Variants in C10orf67 observed in about 807,000 individuals in gnomAD.
The protein encoded by C10orf67 is chromosome 10 open reading frame 67.
A neutral mutation model predicts 35.6 loss-of-function variants in C10orf67; 60 were observed. That is an observed-to-expected ratio of 1.68 (90% CI 1.37 to 2.09). The LOEUF (loss-of-function observed/expected upper bound fraction) is 2.09. Ranked by LOEUF, C10orf67 falls within the 30% of genes most tolerant of loss-of-function variation. The probability of loss-of-function intolerance (pLI) is 0.00; values close to 1 mark genes in which losing one functional copy is unlikely to be tolerated. For missense variants in C10orf67, 474 were observed against 330.2 expected, an observed-to-expected ratio of 1.44 and a Z score of -3.38; for synonymous variants, 167 against 115.8, an observed-to-expected ratio of 1.44 and a Z score of -2.84.
intron 10 of C10orf67, among the ~76,000 whole-genome samples, chr10:23,265,076 T>G (rs757746641): frequency 6.6e-6 from 1 of 152,268 alleles, no homozygotes; most frequent in Non-Finnish European, 1.5e-5. Context: ...GTGTCAGTTT[T>G]TTCCCTTGGG....
chr10:23,322,688 G>GA (rs1285769039), intron 2 of C10orf67, among the ~76,000 whole-genome samples, 151 bp from the exon 3 acceptor site: 1 of 152,142 alleles, frequency 6.6e-6, no homozygotes, highest in African/African-American at 2.4e-5. Flanking sequence ...TTACGGTGGT[G>GA]AGCGGGAGGA....
At chr10:23,311,502 C>T (rs961688969) in intron 4 of C10orf67, among the ~76,000 whole-genome samples, 17 of 151,912 alleles carry the variant, frequency 1.1e-4, no homozygotes, top group Non-Finnish European at 2.1e-4. Flanking sequence ...ACCTGAGGTC[C>T]GGAGTTCGAG....
intron 12 of C10orf67, among the ~76,000 whole-genome samples, chr10:23,250,103 C>T (rs995778136): frequency 6.6e-6 from 1 of 152,046 alleles, no homozygotes; most frequent in Non-Finnish European, 1.5e-5. Context: ...TTTATAAAGA[C>T]AATACAAACT....
intron 6 of C10orf67, among the ~76,000 whole-genome samples, 194 bp from the exon 7 acceptor site, chr10:23,290,152 G>C (rs1779733696): frequency 6.6e-6 from 1 of 152,220 alleles, no homozygotes; most frequent in Admixed American, 6.5e-5. Flanking sequence ...CGGTCAGATA[G>C]GGATTAAGAA....
chr10:23,284,350 AC>A (rs1843465225), intron 7 of C10orf67, among the ~76,000 whole-genome samples: 1 of 151,630 alleles, frequency 6.6e-6, no homozygotes, highest in Non-Finnish European at 1.5e-5. Context: ...ATGCATTCAT[AC>A]CCTGTACCCA....
chr10:23,294,892 C>T (rs1843832976), intron 5 of C10orf67, among the ~76,000 whole-genome samples: 1 of 152,086 alleles, frequency 6.6e-6, no homozygotes, highest in Admixed American at 6.5e-5. Flanking sequence ...TCATCTAGAA[C>T]TTAAGGTTTT....
chr10:23,340,497 G>T (rs1275543034), intron 1 of C10orf67, among the ~76,000 whole-genome samples: 1 of 152,184 alleles, frequency 6.6e-6, no homozygotes, highest in Non-Finnish European at 1.5e-5. Context: ...TCCAGCCTGG[G>T]TGACAGAGGG....
chr10:23,298,892 C>T (rs114969397), intron 5 of C10orf67, among the ~76,000 whole-genome samples: 182 of 152,250 alleles, frequency 1.2e-3, no homozygotes, highest in African/African-American at 4.1e-3. Context: ...TGAGAACTGG[C>T]TCAAGTCTTG....
intron 4 of C10orf67, among the ~76,000 whole-genome samples, chr10:23,314,221 C>A (rs544283277): frequency 8.6e-5 from 13 of 151,952 alleles, no homozygotes; most frequent in African/African-American, 2.7e-4. Flanking sequence ...CCCAAACAAC[C>A]AAACAACAAC....
At position 23,235,619 on chromosome 10, in the gene C10orf67, T is replaced by A. The variant is rs1842027877; in HGVS notation, c.1434+4110A>T. ...TTGGATGTTTACGACACTACTGAAC[T>A]GTACATTTAAAAATGGCTAAAATGA... On this transcript the variant is annotated intron_variant, in intron 13 of 15. Coordinates refer to ENST00000636213, the MANE Select transcript of C10orf67 (RefSeq NM_001371909.1). 2.0e-5 allele frequency among the ~76,000 whole-genome samples: 3 copies of A among 152,200 alleles called. No individual in the cohort carries two copies. The South Asian group carries it at 6.2e-4, about 31-fold the overall frequency.
chr10:23,285,333 A>G (rs1171050304), intron 7 of C10orf67, among the ~76,000 whole-genome samples: 5 of 150,182 alleles, frequency 3.3e-5, no homozygotes, highest in Non-Finnish European at 7.4e-5. Context: ...AATCAAGCAG[A>G]TTAGGACTCT....
At position 23,231,250 on chromosome 10, in the gene C10orf67, G is replaced by GTT. The variant is rs532056993; in HGVS notation, c.1435-7434_1435-7433dup. 1.8e-4 allele frequency among the ~76,000 whole-genome samples: 28 copies of GTT among 152,334 alleles called. No individual in the cohort carries two copies. The South Asian group carries it at 4.4e-3, about 24-fold the overall frequency. ...TCAGTCTGTCTTGCAATTGGATGCA[G>GTT]TTCTAGGTCTAGGATCAGACCTGTG... On this transcript the variant is annotated intron_variant, in intron 13 of 15. Coordinates refer to ENST00000636213, the MANE Select transcript of C10orf67 (RefSeq NM_001371909.1).
intron 15 of C10orf67, among the ~76,000 whole-genome samples, chr10:23,217,711 A>T (rs1564457216): frequency 6.6e-6 from 1 of 152,196 alleles, no homozygotes; most frequent in African/African-American, 2.4e-5. Context: ...AGAGAGCTTT[A>T]AGCACCAGGT....
intron 15 of C10orf67, among the ~76,000 whole-genome samples, chr10:23,223,281 T>C (rs1841636407): frequency 1.3e-5 from 2 of 151,974 alleles, no homozygotes; most frequent in African/African-American, 4.8e-5. Context: ...GGTAGAGTCT[T>C]ATATGTTGCC....
chr10:23,311,280 A>G (rs1184350074), intron 4 of C10orf67, among the ~76,000 whole-genome samples: 1 of 152,228 alleles, frequency 6.6e-6, no homozygotes, highest in Non-Finnish European at 1.5e-5. Context: ...TAATCATGTG[A>G]CCACTTGTCC....
downstream of C10orf67, chr10:23,202,266 G>C (rs1380163795): frequency 6.6e-6 from 1 of 152,188 alleles, no homozygotes; most frequent in Non-Finnish European, 1.5e-5. Context: ...TTTGTTCCGC[G>C]GCAGAAAGTC....
chr10:23,252,043 A>T (rs1312532078), intron 10 of C10orf67, among the ~76,000 whole-genome samples: 3 of 152,214 alleles, frequency 2.0e-5, no homozygotes, highest in Non-Finnish European at 1.5e-5. Context: ...TAAAAAATGC[A>T]TTTTATTATA....
At chr10:23,218,828 T>C (rs1446881007) in intron 15 of C10orf67, among the ~76,000 whole-genome samples, 1 of 152,208 alleles carries the variant, frequency 6.6e-6, no homozygotes, top group African/African-American at 2.4e-5. Context: ...TGTAATATTA[T>C]AAAATGTGCA....
At chr10:23,269,371 A>G (rs1022439208) in intron 8 of C10orf67, among the ~76,000 whole-genome samples, 8 of 152,244 alleles carry the variant, frequency 5.3e-5, no homozygotes, top group African/African-American at 1.9e-4. Flanking sequence ...TGTAAATTAC[A>G]ATCACTAGAG....
Sources: gnomAD v4.1 joint callset for allele counts (sites outside exome capture counted in the v4.1 genomes callset) on GRCh38, gnomAD v4.1.1 for gene constraint, MANE v1.5 for transcripts, NCBI Gene and HGNC (gene_info 2026-07-23, HGNC 2026-07-21) for gene names.